The following CENPP variants were observed in gnomAD, a reference collection of about 807,000 sequenced individuals.
The protein encoded by CENPP is centromere protein P.
In CENPP, 24 loss-of-function variants were observed where a neutral mutation model predicts 35.6. The ratio of observed to expected loss-of-function variants is 0.67; its 90% confidence interval spans 0.49 to 0.95. CENPP has a LOEUF of 0.95. CENPP is among the 40% of genes least tolerant of loss of function. CENPP has a pLI of 0.00. For missense variants in CENPP, 332 were observed against 345.3 expected, an observed-to-expected ratio of 0.96 and a Z score of 0.31; for synonymous variants, 120 against 125.5, an observed-to-expected ratio of 0.96 and a Z score of 0.29.
chr9:92,484,591 T>C (rs1846012600), intron 5 of CENPP, among the ~76,000 whole-genome samples: 1 of 152,222 alleles, frequency 6.6e-6, no homozygotes, highest in East Asian at 1.9e-4. Flanking sequence ...TTTTGTTAGG[T>C]GAAATTGCTG....
intron 5 of CENPP, chr9:92,474,564 C>A: frequency 6.5e-7 from 1 of 1,542,564 alleles, no homozygotes; most frequent in Non-Finnish European, 8.7e-7. Context: ...CTTTTTCCAT[C>A]CTTTAAATTG....
chr9:92,517,717 C>T, intron 5 of CENPP: 1 of 1,614,166 alleles, frequency 6.2e-7, no homozygotes, highest in East Asian at 2.2e-5. Context: ...CAGCATTCCC[C>T]TTCAGGTATA....
At chr9:92,464,643 A>G (rs1020559268) in intron 5 of CENPP, 2 of 542,420 alleles carry the variant, frequency 3.7e-6, no homozygotes, top group Admixed American at 2.2e-5. Context: ...AATGACAGGT[A>G]TAAATGAGTA....
chr9:92,525,869 C>T (rs1240920604), intron 5 of CENPP, among the ~76,000 whole-genome samples: 1 of 127,794 alleles, frequency 7.8e-6, no homozygotes. Context: ...CCACCATGCC[C>T]AGAGTGCAGA....
Position 92,337,626 on chromosome 9 carries a change from T to C in CENPP, c.375T>C (p.Ile125=), listed in dbSNP as rs1399824044. The change falls in exon 3 of 8, where the codon ATT becomes ATC. Residue 125 remains isoleucine (I), a synonymous_variant. Coordinates refer to ENST00000375587, the MANE Select transcript of CENPP (RefSeq NM_001012267.3). ...AACTTGAATTTCAGATTCTGGAAATTCAGGTAAATTAAGAAGCATGTTGTG... is the reference window on the plus strand; with the variant it reads ...AACTTGAATTTCAGATTCTGGAAATCCAGGTAAATTAAGAAGCATGTTGTG... ...TFQLEFQILE[I]QNKERLSSAV... The C allele has an allele frequency of 1.3e-6, 2 of 1,568,798 alleles. No homozygotes were observed. The highest frequency in any genetic ancestry group is 1.8e-6 in the Non-Finnish European group (2 of 1,138,908).
chr9:92,477,660 G>A (rs929844034), intron 5 of CENPP, among the ~76,000 whole-genome samples: 2 of 152,020 alleles, frequency 1.3e-5, no homozygotes, highest in Non-Finnish European at 2.9e-5. Context: ...AGTGTCACTC[G>A]TCAGAATGCT....
intron 4 of CENPP, among the ~76,000 whole-genome samples, chr9:92,373,774 C>T (rs915222607): frequency 1.3e-5 from 2 of 151,958 alleles, no homozygotes; most frequent in African/African-American, 4.8e-5. Context: ...TGCAGTGAGC[C>T]GAGATCATTC....
intron 5 of CENPP, among the ~76,000 whole-genome samples, chr9:92,439,706 T>A (rs1486753643): frequency 6.6e-6 from 1 of 152,230 alleles, no homozygotes; most frequent in Non-Finnish European, 1.5e-5. Flanking sequence ...GTCCTCTTTC[T>A]CAATCCCATG....
chr9:92,592,383 C>T (rs968288449), intron 5 of CENPP, among the ~76,000 whole-genome samples: 2 of 152,160 alleles, frequency 1.3e-5, no homozygotes, highest in African/African-American at 2.4e-5. Context: ...TGTATGAAAT[C>T]GGGCCATGCC....
intron 5 of CENPP, among the ~76,000 whole-genome samples, chr9:92,604,020 T>A (rs1204574939): frequency 6.6e-6 from 1 of 152,234 alleles, no homozygotes; most frequent in Non-Finnish European, 1.5e-5. Flanking sequence ...CTCTTACTAA[T>A]GATCGTTTGC....
At chr9:92,597,833 TTC>T (rs565039751) in intron 5 of CENPP, among the ~76,000 whole-genome samples, 63 of 152,356 alleles carry the variant, frequency 4.1e-4, no homozygotes, top group African/African-American at 1.4e-3. Context: ...ATCTGAAGCA[TTC>T]TCTGTTTTCT....
chr9:92,414,433 A>G (rs1278790131), intron 5 of CENPP: 2 of 207,768 alleles, frequency 9.6e-6, no homozygotes, highest in Non-Finnish European at 2.0e-5. Flanking sequence ...AATCTGCTAA[A>G]ATACAAATTG....
intron 2 of CENPP, among the ~76,000 whole-genome samples, chr9:92,332,879 T>C (rs1209442447): frequency 2.0e-5 from 3 of 151,618 alleles, no homozygotes; most frequent in Admixed American, 6.6e-5. Context: ...TTCTTTCTTT[T>C]TTTTTTTTAC....
At chr9:92,570,684 T>A (rs1850113550) in intron 5 of CENPP, among the ~76,000 whole-genome samples, 1 of 152,232 alleles carries the variant, frequency 6.6e-6, no homozygotes, top group South Asian at 2.1e-4. Flanking sequence ...TCTGGTAGAA[T>A]TCGGCTGTGA....
chr9:92,522,485 T>TTCTCCCTC (rs1458518195), intron 5 of CENPP: 1 of 1,231,992 alleles, frequency 8.1e-7, no homozygotes, highest in African/African-American at 1.6e-5. Context: ...CATGGAGATG[T>TTCTCCCTC]TCTCCCTCTC....
intron 5 of CENPP, among the ~76,000 whole-genome samples, chr9:92,472,607 G>A (rs1013012520): frequency 6.7e-6 from 1 of 149,144 alleles, no homozygotes; most frequent in Non-Finnish European, 1.5e-5. Context: ...GCAGTGAGCC[G>A]AGATCGCGCC....
chr9:92,574,123 C>T (rs1850221829), intron 5 of CENPP, among the ~76,000 whole-genome samples: 2 of 152,240 alleles, frequency 1.3e-5, no homozygotes, highest in Middle Eastern at 6.8e-3. Flanking sequence ...GAACCCGGTA[C>T]CTCAGTTGGA....
intron 1 of CENPP, among the ~76,000 whole-genome samples, chr9:92,328,801 CAAACT>C (rs1221135640): frequency 6.6e-6 from 1 of 152,200 alleles, no homozygotes; most frequent in African/African-American, 2.4e-5. Flanking sequence ...ATATTTTGCT[CAAACT>C]AAATAACTGC....
chr9:92,566,483 A>C (rs1849971547), intron 5 of CENPP, among the ~76,000 whole-genome samples: 1 of 152,190 alleles, frequency 6.6e-6, no homozygotes, highest in Non-Finnish European at 1.5e-5. Context: ...GAAAGTCAAG[A>C]AAATGATGTA....
Sources: gnomAD v4.1 joint callset for allele counts (sites outside exome capture counted in the v4.1 genomes callset) on GRCh38, gnomAD v4.1.1 for gene constraint, MANE v1.5 for transcripts, NCBI Gene and HGNC (gene_info 2026-07-23, HGNC 2026-07-21) for gene names.